OTOP2: variants seen among roughly 807,000 people sequenced by gnomAD.
OTOP2 encodes the protein proton channel OTOP2.
Under a neutral mutation model 47.4 loss-of-function variants are expected in OTOP2, and 41 were observed. The ratio of observed to expected loss-of-function variants is 0.87; its 90% CI spans 0.67 to 1.12. The LOEUF is 1.12. Among genes scored for constraint, OTOP2 ranks in the 50% most tolerant of loss-of-function variants. The pLI, the probability that OTOP2 is intolerant of heterozygous loss-of-function variation, is 0.00. For synonymous variants in OTOP2, 328 were observed against 319.6 expected (o/e 1.03, Z -0.28); for missense variants, 721 against 752.2 (o/e 0.96, Z 0.49).
intron 5 of OTOP2, among the ~76,000 whole-genome samples, chr17:74,928,368 A>G (rs2039028585): frequency 6.6e-6 from 1 of 152,076 alleles, no homozygotes; most frequent in Admixed American, 6.5e-5. Context: ...AAAGAGACCC[A>G]GACCCAGAAT....
intron 2 of OTOP2, 43 bp from the exon 3 acceptor site, chr17:74,925,513 C>T: frequency 1.9e-6 from 3 of 1,604,888 alleles, no homozygotes; most frequent in Admixed American, 1.7e-5. Context: ...TCTCTCCTGC[C>T]TCTTTGATCC....
At chr17:74,929,873 G>A (rs546078002) in intron 5 of OTOP2, among the ~76,000 whole-genome samples, 1 of 152,110 alleles carries the variant, frequency 6.6e-6, no homozygotes, top group South Asian at 2.1e-4. Flanking sequence ...CAGACAGGGA[G>A]CCTGCCCTTA....
chr17:74,925,297 G>A (rs899859201), intron 2 of OTOP2, among the ~76,000 whole-genome samples: 1 of 151,984 alleles, frequency 6.6e-6, no homozygotes, highest in African/African-American at 2.4e-5. Flanking sequence ...CCAAAGAGAG[G>A]GGGGCTTGGT....
chr17:74,930,870 C>T lies in OTOP2; in HGVS notation c.1235C>T (p.Ala412Val), dbSNP rs751207230. 1.2e-6 allele frequency: 2 copies of T among 1,614,004 alleles called. No individual in the cohort carries two copies. Among genetic ancestry groups the T allele is most frequent in the African/African-American group, 2.7e-5 (2 of 74,892 alleles). The change falls in exon 6 of 7, where the codon GCC becomes GTC. Residue 412 changes from alanine (A) to valine (V), a missense_variant. Physicochemically the swap from Ala to Val is moderately conservative, Grantham distance 64. Transcript: ENST00000331427. This position sits in a 1 kb window ranked among gnomAD's most constrained non-coding sequence, Gnocchi z 4.0. ...CTCACCCATGCACTGCTCATGATCG[C>T]CCAGCACACCTTCCAGAACATGTTT... ...LNLTHALLMIAQHTFQNMFII... is the reference protein window; with the variant it reads ...LNLTHALLMIVQHTFQNMFII...
chr17:74,930,226 C>A lies in OTOP2; in HGVS notation c.644-53C>A. 1 of 1,554,578 alleles carries A rather than the reference C, an allele frequency of 6.4e-7. No individual in the cohort carries two copies. Among genetic ancestry groups the A allele is most frequent in the Non-Finnish European group, 8.7e-7 (1 of 1,148,438 alleles). ...AAAAGGTCACAGGCTAGGGGTGAGA[C>A]CTCTCTAGGAAGGCAGGAGGGCTGT... is the stretch of plus-strand genomic sequence containing the variant. On this transcript the variant is annotated intron_variant, in intron 5 of 6. Transcript: ENST00000331427. This position sits in a 1 kb window ranked among gnomAD's most constrained non-coding sequence, Gnocchi z 4.0.
Position 74,933,778 on chromosome 17 carries a change from A to C in OTOP2, c.*233A>C. On this transcript the variant is annotated 3_prime_UTR_variant, in exon 7 of 7. Coordinates refer to ENST00000331427, the MANE Select transcript of OTOP2 (RefSeq NM_178160.3). This position sits in a 1 kb window ranked among gnomAD's most constrained non-coding sequence, Gnocchi z 4.7. ...GGCATGAGGTGACTGGGGAAGGGAG[A>C]CCTCTCCTGGCAGCATTTCTAGGAC... 1 of 447,276 alleles carries C rather than the reference A, an allele frequency of 2.2e-6. No individual in the cohort carries two copies. 27.7% of individuals were successfully genotyped at this position (447,276 alleles called of 1,614,324 possible).
chr17:74,926,415 G>A (rs1311967939), intron 3 of OTOP2, among the ~76,000 whole-genome samples: 2 of 152,114 alleles, frequency 1.3e-5, no homozygotes, highest in African/African-American at 4.8e-5. Flanking sequence ...GCCATAGCAG[G>A]GATTCACAGG....
chr17:74,925,585 C>G lies in OTOP2; in HGVS notation c.343C>G (p.Leu115Val). The G allele has an allele frequency of 6.2e-7, 1 of 1,614,130 alleles. No individual in the cohort carries two copies. Among genetic ancestry groups the G allele is most frequent in the Non-Finnish European group, 8.5e-7 (1 of 1,179,998 alleles). Residue 115 changes from leucine to valine, a missense_variant, in exon 3 of 7, where the codon CTC (leucine) becomes GTC (valine). Physicochemically the swap from Leu to Val is conservative, Grantham distance 32. Coordinates refer to ENST00000331427, the MANE Select transcript of OTOP2 (RefSeq NM_178160.3). ...GGLVLFGICTLIMDVFKTGYY... is the reference protein window; with the variant it reads ...GGLVLFGICTVIMDVFKTGYY... ...GCTGGTGCTGTTTGGAATCTGCACCCTCATCATGGATGTCTTCAAGACCGG... is the reference window on the plus strand; with the variant it reads ...GCTGGTGCTGTTTGGAATCTGCACCGTCATCATGGATGTCTTCAAGACCGG...
Position 74,930,480 on chromosome 17 carries a change from T to C in OTOP2, c.845T>C (p.Val282Ala). Reference sequence around the variant, plus strand: ...GGCCACAGCCACACCCCAACCCCTGTCAGCCTCTTCCGGGAGACCTTTTTT... The same window carrying C: ...GGCCACAGCCACACCCCAACCCCTGCCAGCCTCTTCCGGGAGACCTTTTTT... Reference protein sequence around the residue: ...TPGHSHTPTPVSLFRETFFAG... With the variant: ...TPGHSHTPTPASLFRETFFAG... Residue 282 changes from valine to alanine, a missense_variant, in exon 6 of 7, where the codon GTC becomes GCC. Coordinates refer to ENST00000331427, the MANE Select transcript of OTOP2 (RefSeq NM_178160.3). This position sits in a 1 kb window ranked among gnomAD's most constrained non-coding sequence, Gnocchi z 4.0. The C allele has an allele frequency of 1.2e-6, 2 of 1,613,812 alleles. No individual in the cohort carries two copies. Among genetic ancestry groups the C allele is most frequent in the South Asian group, 1.1e-5 (1 of 91,076 alleles).
At position 74,930,205 on chromosome 17, in the gene OTOP2, G is replaced by A; in HGVS notation, c.644-74G>A. 1 of 1,448,842 alleles carries A rather than the reference G, an allele frequency of 6.9e-7. No individual in the cohort carries two copies. The highest frequency in any genetic ancestry group is 2.3e-5 in the Admixed American group (1 of 44,200). 89.7% of individuals were successfully genotyped at this position (1,448,842 alleles called of 1,614,324 possible). A position where few individuals can be genotyped will look rare whatever the true frequency, so the allele number is the denominator to read the frequency against. On this transcript the variant is annotated intron_variant, in intron 5 of 6. Coordinates refer to ENST00000331427, the MANE Select transcript of OTOP2 (RefSeq NM_178160.3). This position sits in a 1 kb window ranked among gnomAD's most constrained non-coding sequence, Gnocchi z 4.0. ...TCTCAAAACAAAACAAAAAAAAAAA[G>A]GTCACAGGCTAGGGGTGAGACCTCT... is the stretch of plus-strand genomic sequence containing the variant.
chr17:74,931,453 T>C (rs1430007669), intron 6 of OTOP2, among the ~76,000 whole-genome samples: 1 of 152,092 alleles, frequency 6.6e-6, no homozygotes, highest in Non-Finnish European at 1.5e-5. Flanking sequence ...AGCTGAGAGC[T>C]GATGTGGAAG....
chr17:74,930,341 T>C lies in OTOP2; in HGVS notation c.706T>C (p.Phe236Leu). ...CLCSTAVCQI[F>L]QQGYFYLYPF... ...CTGCAGCACGGCCGTCTGCCAGATC[T>C]TCCAGCAGGGGTACTTCTACCTATA... Residue 236 changes from phenylalanine (F) to leucine (L), a missense_variant, in exon 6 of 7, where the codon TTC becomes CTC. Physicochemically the swap from Phe to Leu is conservative, Grantham distance 22. Coordinates refer to ENST00000331427, the MANE Select transcript of OTOP2 (RefSeq NM_178160.3). This position sits in a 1 kb window ranked among gnomAD's most constrained non-coding sequence, Gnocchi z 4.0. The C allele has an allele frequency of 6.2e-7, 1 of 1,614,156 alleles. No individual in the cohort carries two copies. The highest frequency in any genetic ancestry group is 8.5e-7 in the Non-Finnish European group (1 of 1,180,026).
intron 5 of OTOP2, among the ~76,000 whole-genome samples, chr17:74,929,963 A>G (rs889744363): frequency 1.3e-5 from 2 of 152,086 alleles, no homozygotes; most frequent in Admixed American, 6.5e-5. Context: ...CAAGCAGATC[A>G]CCTGAGGTCA....
At chr17:74,927,393 T>A in intron 4 of OTOP2, 112 bp downstream of exon 4, 1 of 1,302,582 alleles carries the variant, frequency 7.7e-7, no homozygotes. Context: ...CTGGGTGGGG[T>A]TGCAGCCAAG....
In OTOP2 at chr17:74,931,104, G is replaced by A. The variant is rs148281493; in HGVS notation, c.1469G>A (p.Arg490His). The A allele has an allele frequency of 2.4e-5, 38 of 1,612,608 alleles. No individual in the cohort carries two copies. The Admixed American group carries it at 3.0e-4, about 13-fold the overall frequency. The change falls in exon 6 of 7, where the codon CGC becomes CAC. Residue 490 changes from arginine to histidine, a missense_variant. Physicochemically the swap from Arg to His is conservative, Grantham distance 29 (BLOSUM62 0). Coordinates refer to ENST00000331427, the MANE Select transcript of OTOP2 (RefSeq NM_178160.3). ...IVSTPRSQWR[R>H]QCLKDISLFL... is the part of the protein sequence containing the mutation. The stretch of plus-strand genomic sequence containing the variant: ...TCAACCCCCAGAAGCCAGTGGAGAC[G>A]CCAGTGCCTAAAAGACATTTCTCTG...
Position 74,924,573 on chromosome 17 carries a change from G to A in OTOP2, c.-33-27G>A. On this transcript the variant is annotated intron_variant, in intron 1 of 6. Transcript: ENST00000331427. The surrounding 1 kb of genome is among the most constrained non-coding windows in gnomAD (Gnocchi z 7.7). ...GAAGGAGAGCCGTCAGGGTTGACCT[G>A]GAGTTTTGTCCGCTCCTCCCCTACA... 4 of 1,446,962 alleles carry A rather than the reference G, an allele frequency of 2.8e-6. No individual in the cohort carries two copies. The highest frequency in any genetic ancestry group is 3.6e-6 in the Non-Finnish European group (4 of 1,100,394). 89.6% of individuals were successfully genotyped at this position (1,446,962 alleles called of 1,614,324 possible).
chr17:74,925,917 T>C (rs181323375), intron 3 of OTOP2, among the ~76,000 whole-genome samples: 10 of 152,300 alleles, frequency 6.6e-5, no homozygotes, highest in Admixed American at 3.9e-4. Context: ...CTCTGCAATG[T>C]TATTTCAACC....
In OTOP2 at chr17:74,925,691, A is replaced by G; in HGVS notation, c.449A>G (p.Gln150Arg). 2 of 1,614,136 alleles carry G rather than the reference A, an allele frequency of 1.2e-6. No homozygotes were observed. Among genetic ancestry groups the G allele is most frequent in the South Asian group, 2.2e-5 (2 of 91,076 alleles). The change falls in exon 3 of 7, where the codon CAG becomes CGG. Residue 150 changes from glutamine to arginine, a missense_variant and splice_region_variant. Coordinates refer to ENST00000331427, the MANE Select transcript of OTOP2 (RefSeq NM_178160.3). ...ATCCAGGCTGTGTTTGTCATCATCCAGGTGGGTGGAGGAGTGTCGCTGTGT... is the reference window on the plus strand; with the variant it reads ...ATCCAGGCTGTGTTTGTCATCATCCGGGTGGGTGGAGGAGTGTCGCTGTGT... ...PLIQAVFVII[Q>R]TYFLWVSAKD...
intron 2 of OTOP2, 98 bp from the exon 3 acceptor site, chr17:74,925,458 A>G: frequency 6.6e-7 from 1 of 1,514,976 alleles, no homozygotes; most frequent in Non-Finnish European, 9.0e-7. Flanking sequence ...CCACCCACCC[A>G]TCTAGCCTCC....
Sources: allele counts gnomAD v4.1 joint callset (sites outside exome capture counted in the v4.1 genomes callset), GRCh38; gene constraint gnomAD v4.1.1; non-coding constraint Gnocchi (gnomAD v3.1); transcripts MANE v1.5; gene names NCBI Gene and HGNC (gene_info 2026-07-23, HGNC 2026-07-21).